The following STK3 variants were observed in gnomAD, a reference collection of about 807,000 sequenced individuals.
STK3 encodes serine/threonine-protein kinase 3.
In STK3, 41 loss-of-function variants were observed where a neutral mutation model predicts 58.0. The observed-to-expected ratio is 0.71, with a 90% CI of 0.55 to 0.92. The LOEUF is 0.92. Ranked by LOEUF, STK3 falls within the 40% of genes least tolerant of loss-of-function variation. The pLI is 0.00. For synonymous variants in STK3, 170 were observed against 191.0 expected (o/e 0.89, Z 0.91); for missense variants, 479 against 602.7 (o/e 0.79, Z 2.15).
intron 2 of STK3, among the ~76,000 whole-genome samples, chr8:98,771,234 A>C (rs1013396153): frequency 6.6e-6 from 1 of 152,198 alleles, no homozygotes; most frequent in African/African-American, 2.4e-5. Context: ...ACTTAGCATA[A>C]TATTTTGTAG....
At chr8:98,461,149 T>A (rs1819938856) in intron 10 of STK3, among the ~76,000 whole-genome samples, 1 of 152,182 alleles carries the variant, frequency 6.6e-6, no homozygotes, top group Non-Finnish European at 1.5e-5. Context: ...GAGTAATTGT[T>A]TTATGAATCT....
chr8:98,358,072 G>A, the STK3 span, among the ~76,000 whole-genome samples: 1 of 152,144 alleles, frequency 6.6e-6, no homozygotes, highest in Non-Finnish European at 1.5e-5. Context: ...ATTATTCCAA[G>A]GGCAGAGATG....
At chr8:98,687,445 G>C (rs934859815) in intron 6 of STK3, among the ~76,000 whole-genome samples, 1 of 152,132 alleles carries the variant, frequency 6.6e-6, no homozygotes, top group Non-Finnish European at 1.5e-5. Context: ...AGCTTAGGCT[G>C]TAATTCTTGA....
chr8:98,650,934 G>A (rs748206685), intron 6 of STK3, among the ~76,000 whole-genome samples: 1 of 152,222 alleles, frequency 6.6e-6, no homozygotes. Context: ...CAAAAAGACA[G>A]CAGTAACCTC....
intron 1 of STK3, chr8:98,906,150 G>T (rs904858882): frequency 6.5e-6 from 1 of 153,020 alleles, no homozygotes; most frequent in Non-Finnish European, 1.5e-5. Flanking sequence ...TAAGATCCCT[G>T]TCCAAAGGCT....
intron 6 of STK3, among the ~76,000 whole-genome samples, chr8:98,696,764 T>C (rs1449417051): frequency 3.3e-5 from 5 of 152,152 alleles, no homozygotes. Flanking sequence ...TTTGCCAGTA[T>C]TTTATTGAGG....
At chr8:98,774,043 A>G (rs1831501673) in intron 2 of STK3, among the ~76,000 whole-genome samples, 1 of 151,854 alleles carries the variant, frequency 6.6e-6, no homozygotes. Context: ...TGATCCACCC[A>G]CCTCAGCCTC....
rs1025296868 is a variant in STK3, at chr8:98,473,275, C to T, written c.1318-17275G>A. On this transcript the variant is annotated intron_variant, in intron 10 of 10. Coordinates refer to ENST00000419617, the MANE Select transcript of STK3 (RefSeq NM_006281.4). ...TGTAATGAATTCGCATACCTGCCTC[C>T]GATTACAGGCTGGATTGCCCCAAAG... 5.1e-4 allele frequency among the ~76,000 whole-genome samples: 78 copies of T among 152,240 alleles called. 1 individual carries two copies. Among genetic ancestry groups the T allele is most frequent in the African/African-American group, 1.5e-3 (62 of 41,548 alleles).
rs548758883 is a variant in STK3 at position 98,899,993 on chromosome 8, A to G, written c.-78-16159T>C. On this transcript the variant is annotated intron_variant, in intron 1 of 1. Transcript: ENST00000519420. The stretch of plus-strand genomic sequence containing the variant: ...AGTGATTGCTTAATAACTGTTGGCT[A>G]GTAATATAAATGTATACATGAAATA... Among the ~76,000 whole-genome samples the G allele has an allele frequency of 2.0e-5, 3 of 152,358 alleles. No individual in the cohort carries two copies. In the South Asian group the frequency reaches 6.2e-4, roughly 32 times the overall value.
intron 3 of STK3, among the ~76,000 whole-genome samples, chr8:98,406,277 TTTATTTTATTTTATG>T (rs1478469846): frequency 2.3e-5 from 3 of 131,592 alleles, no homozygotes; most frequent in African/African-American, 6.7e-5. Context: ...TTTATTTTAT[TTTATTTTATTTTATG>T]TTATTTATTT....
intron 6 of STK3, among the ~76,000 whole-genome samples, chr8:98,620,896 C>T (rs1052058328): frequency 2.0e-5 from 3 of 149,392 alleles, no homozygotes; most frequent in Admixed American, 6.7e-5. Flanking sequence ...TCCATGAATT[C>T]ATTGTTAATG....
intron 3 of STK3, among the ~76,000 whole-genome samples, chr8:98,763,597 C>T (rs1830763152): frequency 6.6e-6 from 1 of 152,124 alleles, no homozygotes; most frequent in African/African-American, 2.4e-5. Context: ...TTCTTAATAA[C>T]ACATTTACAT....
At chr8:98,610,496 T>C (rs970564488) in intron 6 of STK3, among the ~76,000 whole-genome samples, 1 of 152,232 alleles carries the variant, frequency 6.6e-6, no homozygotes, top group African/African-American at 2.4e-5. Context: ...CTTTCTATTC[T>C]ATTCCCACCT....
intron 1 of STK3, among the ~76,000 whole-genome samples, chr8:98,894,997 T>C (rs1838394270): frequency 6.6e-6 from 1 of 152,154 alleles, no homozygotes; most frequent in African/African-American, 2.4e-5. Context: ...TTCTAGATAT[T>C]TTAAATAACT....
At chr8:98,742,941 C>T (rs559660283) in intron 4 of STK3, among the ~76,000 whole-genome samples, 1 of 151,932 alleles carries the variant, frequency 6.6e-6, no homozygotes, top group South Asian at 2.1e-4. Context: ...CAATAACAGA[C>T]AAACAGAGAG....
At chr8:98,388,488 C>A (rs1563589969), upstream of STK3, among the ~76,000 whole-genome samples, 1 of 152,216 alleles carries the variant, frequency 6.6e-6, no homozygotes, top group Non-Finnish European at 1.5e-5. Context: ...TGGCAGCACA[C>A]ACCACCACTT....
downstream of STK3, among the ~76,000 whole-genome samples, chr8:98,454,162 C>T (rs1586597666): frequency 1.3e-5 from 2 of 152,004 alleles, no homozygotes; most frequent in African/African-American, 4.8e-5. Context: ...GGAAGCTTTC[C>T]AGAGACAATA....
At chr8:98,780,499 C>T (rs1832018411) in intron 1 of STK3, among the ~76,000 whole-genome samples, 1 of 152,014 alleles carries the variant, frequency 6.6e-6, no homozygotes, top group Non-Finnish European at 1.5e-5. Flanking sequence ...GGAAACTAGC[C>T]CTTTTTTCGA....
At chr8:98,485,157 C>A (rs897276691) in intron 10 of STK3, among the ~76,000 whole-genome samples, 1 of 152,062 alleles carries the variant, frequency 6.6e-6, no homozygotes, top group Non-Finnish European at 1.5e-5. Context: ...AGGAGAATCA[C>A]TTGAACCCAG....
Sources: allele counts gnomAD v4.1 joint callset (sites outside exome capture counted in the v4.1 genomes callset), GRCh38; gene constraint gnomAD v4.1.1; transcripts MANE v1.5; gene names NCBI Gene and HGNC (gene_info 2026-07-23, HGNC 2026-07-21).